GRIN2A: variants seen among roughly 807,000 people sequenced by gnomAD.
GRIN2A encodes the protein glutamate ionotropic receptor NMDA type subunit 2A, also known as glutamate receptor ionotropic, NMDA 2A.
In GRIN2A, 22 loss-of-function variants were observed where a neutral mutation model predicts 113.4. The ratio of observed to expected loss-of-function variants is 0.19; its 90% CI spans 0.14 to 0.28. The LOEUF is 0.28. GRIN2A is among the 10% of genes least tolerant of loss of function. GRIN2A has a pLI of 1.00. For missense variants in GRIN2A, 1,502 were observed against 1,887.0 expected (o/e 0.80, Z 3.78); for synonymous variants, 827 against 738.4 (o/e 1.12, Z -1.94).
chr16:10,053,315 G>C (rs980657983), intron 2 of GRIN2A, among the ~76,000 whole-genome samples: 1 of 152,200 alleles, frequency 6.6e-6, no homozygotes, highest in Non-Finnish European at 1.5e-5. Context: ...CAGGCTAAAA[G>C]GAAGATAATA....
At chr16:9,915,377 C>G (rs527764473) in intron 3 of GRIN2A, among the ~76,000 whole-genome samples, 1 of 151,788 alleles carries the variant, frequency 6.6e-6, no homozygotes, top group Admixed American at 6.5e-5. Context: ...AGCCACCTTC[C>G]TTAAGAACAG....
intron 3 of GRIN2A, among the ~76,000 whole-genome samples, chr16:9,898,594 T>A (rs973743919): frequency 3.3e-5 from 5 of 152,200 alleles, no homozygotes; most frequent in Non-Finnish European, 5.9e-5. Flanking sequence ...CAATTTTCGG[T>A]TAATTTTCCA....
At position 9,761,646 on chromosome 16, in the gene GRIN2A, C is replaced by T. The variant is rs1179930189; in HGVS notation, c.*1503G>A. 2 of 228,438 alleles carry T rather than the reference C, an allele frequency of 8.8e-6. No homozygotes were observed. Among genetic ancestry groups the T allele is most frequent in the South Asian group, 1.8e-4 (1 of 5,474 alleles). The allele number at this position is 228,438 out of a possible 1,614,324, so 14.2% of individuals were successfully genotyped here. ...CATAGCAACTATCTTGTCGGGGGCA[C>T]TTGTTTTTGTGGCAGGCACTGTGCT... On this transcript the variant is annotated 3_prime_UTR_variant, in exon 13 of 13. Transcript: ENST00000330684.
At chr16:9,804,935 G>A (rs1290254385) in intron 10 of GRIN2A, among the ~76,000 whole-genome samples, 13 of 152,364 alleles carry the variant, frequency 8.5e-5, no homozygotes, top group Non-Finnish European at 2.9e-5. Context: ...GCAAGGTAAG[G>A]ACGGATGTCA....
rs140813060 is a variant in GRIN2A, at chr16:10,172,280, T to C, written c.414+7718A>G. Among the ~76,000 whole-genome samples the C allele has an allele frequency of 9.8e-5, 15 of 152,288 alleles. No homozygotes were observed. In the East Asian group the frequency reaches 2.5e-3, roughly 25 times the overall value. On this transcript the variant is annotated intron_variant, in intron 2 of 12. Transcript: ENST00000330684. ...TTTTCTTGGATCTTCCAACTCAAGTTGATTCATCATGGCTGCCTGGAGTAC... is the reference window on the plus strand; with the variant it reads ...TTTTCTTGGATCTTCCAACTCAAGTCGATTCATCATGGCTGCCTGGAGTAC...
chr16:10,150,563 C>T (rs2049547382), intron 2 of GRIN2A, among the ~76,000 whole-genome samples: 1 of 152,148 alleles, frequency 6.6e-6, no homozygotes, highest in South Asian at 2.1e-4. Flanking sequence ...CCTATCTGAT[C>T]ACTCTCCTGC....
intron 3 of GRIN2A, among the ~76,000 whole-genome samples, chr16:9,915,096 C>G (rs1052409614): frequency 6.6e-6 from 1 of 150,874 alleles, no homozygotes; most frequent in African/African-American, 2.4e-5. Flanking sequence ...GCCACTGCAC[C>G]CGGCTAATTT....
chr16:9,935,296 T>A lies in GRIN2A; in HGVS notation c.1007+2663A>T, dbSNP rs913080941. Among the ~76,000 whole-genome samples the A allele has an allele frequency of 4.6e-5, 7 of 152,196 alleles. No homozygotes were observed. In the East Asian group the frequency reaches 7.7e-4, roughly 17 times the overall value. On this transcript the variant is annotated intron_variant, in intron 3 of 12. Transcript: ENST00000330684. ...TTTGGGCTGGCAGCAATCCTGCCTC[T>A]GTAAGAGACTCCCATGTCTCATGCT...
chr16:9,827,995 G>T (rs1444465583), intron 9 of GRIN2A, among the ~76,000 whole-genome samples: 5 of 151,960 alleles, frequency 3.3e-5, no homozygotes, highest in Admixed American at 3.3e-4. Flanking sequence ...TTTCCTACTA[G>T]AATTTAAGTT....
At chr16:9,788,184 C>T (rs1902350288) in intron 11 of GRIN2A, among the ~76,000 whole-genome samples, 2 of 152,146 alleles carry the variant, frequency 1.3e-5, no homozygotes, top group African/African-American at 4.8e-5. Flanking sequence ...TCTTTCTTTG[C>T]CTCTCTCTCC....
In GRIN2A at chr16:9,755,586, C is replaced by T. The variant is rs998570883; in HGVS notation, c.*7563G>A. ...TCAAATCCCCGCTAGTGTCCTCATC[C>T]ATCAAATGGGCCTAATGCACCCCTC... On this transcript the variant is annotated 3_prime_UTR_variant, in exon 13 of 13. Transcript: ENST00000330684. 1 of 184,142 alleles carries T rather than the reference C, an allele frequency of 5.4e-6. No individual in the cohort carries two copies. Among genetic ancestry groups the T allele is most frequent in the African/African-American group, 2.4e-5 (1 of 42,524 alleles). The allele number at this position is 184,142 out of a possible 1,614,324, so 11.4% of individuals were successfully genotyped here.
chr16:10,010,272 C>A (rs185162339), intron 2 of GRIN2A, among the ~76,000 whole-genome samples: 1 of 152,212 alleles, frequency 6.6e-6, no homozygotes, highest in African/African-American at 2.4e-5. Context: ...AAGAAGAATC[C>A]TCACCTAGGT....
intron 2 of GRIN2A, among the ~76,000 whole-genome samples, chr16:10,161,473 C>T (rs367761207): frequency 6.6e-5 from 10 of 152,276 alleles, no homozygotes; most frequent in East Asian, 3.9e-4. Context: ...TAAATTATTT[C>T]GCCTTAGTAC....
At chr16:9,888,561 C>G (rs2043631072) in intron 4 of GRIN2A, among the ~76,000 whole-genome samples, 1 of 151,538 alleles carries the variant, frequency 6.6e-6, no homozygotes, top group South Asian at 2.1e-4. Flanking sequence ...AATCATTGAT[C>G]AAAAATCATT....
intron 2 of GRIN2A, among the ~76,000 whole-genome samples, chr16:9,966,005 T>C (rs1256356117): frequency 6.6e-6 from 1 of 152,226 alleles, no homozygotes; most frequent in Admixed American, 6.5e-5. Context: ...ATCTTTTAAA[T>C]ATGCAGCACC....
chr16:9,795,658 TGCTAA>T (rs1902938387), intron 11 of GRIN2A, among the ~76,000 whole-genome samples: 1 of 152,342 alleles, frequency 6.6e-6, no homozygotes, highest in African/African-American at 2.4e-5. Context: ...ACAGGGTCTA[TGCTAA>T]GCTAAGCTAT....
intron 4 of GRIN2A, among the ~76,000 whole-genome samples, chr16:9,879,763 T>C (rs1228973762): frequency 6.6e-6 from 1 of 152,182 alleles, no homozygotes; most frequent in Non-Finnish European, 1.5e-5. Flanking sequence ...AAGAGGGTAA[T>C]AGTTGTATCT....
At chr16:10,028,401 G>A (rs1482774729) in intron 2 of GRIN2A, among the ~76,000 whole-genome samples, 1 of 152,198 alleles carries the variant, frequency 6.6e-6, no homozygotes, top group Non-Finnish European at 1.5e-5. Context: ...GGAGGCAGCT[G>A]CCCAGCCATG....
At chr16:10,139,828 A>G (rs1264868416) in intron 2 of GRIN2A, among the ~76,000 whole-genome samples, 2 of 110,492 alleles carry the variant, frequency 1.8e-5, no homozygotes, top group Admixed American at 2.1e-4. Flanking sequence ...GAGAGATGAG[A>G]TAAATAATTT....
Sources: allele counts gnomAD v4.1 joint callset (sites outside exome capture counted in the v4.1 genomes callset), GRCh38; gene constraint gnomAD v4.1.1; transcripts MANE v1.5; gene names NCBI Gene and HGNC (gene_info 2026-07-23, HGNC 2026-07-21).